The following SLX4IP variants were observed in gnomAD, a reference collection of about 807,000 sequenced individuals.
SLX4IP encodes protein SLX4IP.
A neutral mutation model predicts 32.9 loss-of-function variants in SLX4IP; 34 were observed. The observed-to-expected ratio is 1.03, with a 90% CI of 0.79 to 1.38. The LOEUF (loss-of-function observed/expected upper bound fraction) is 1.38. Among genes scored for constraint, SLX4IP ranks in the 40% most tolerant of loss-of-function variants. The pLI, the probability that SLX4IP is intolerant of heterozygous loss-of-function variation, is 0.00. For missense variants in SLX4IP, 444 were observed against 479.0 expected (o/e 0.93, Z 0.68); for synonymous variants, 172 against 171.7 (o/e 1.00, Z -0.01).
intron 2 of SLX4IP, among the ~76,000 whole-genome samples, chr20:10,545,039 T>A (rs529217020): frequency 6.6e-5 from 10 of 152,228 alleles, no homozygotes; most frequent in African/African-American, 2.4e-4. Flanking sequence ...ATTGAGTAGG[T>A]CTGAGTAGGA....
intron 2 of SLX4IP, among the ~76,000 whole-genome samples, chr20:10,545,348 C>A (rs770133880): frequency 1.3e-5 from 2 of 152,068 alleles, no homozygotes; most frequent in Non-Finnish European, 2.9e-5. Context: ...AGTTTGCAGC[C>A]ACATACTTCA....
chr20:10,513,610 G>A (rs1045338531), intron 2 of SLX4IP, among the ~76,000 whole-genome samples: 1 of 152,232 alleles, frequency 6.6e-6, no homozygotes, highest in Non-Finnish European at 1.5e-5. Flanking sequence ...TGCCAGGTGG[G>A]CAAGGGCATC....
rs57951964 is a variant in SLX4IP, at chr20:10,560,544, G to C, written c.118-156G>C. On this transcript the variant is annotated intron_variant, in intron 3 of 7. Transcript: ENST00000334534. ...ACTTCAGTAGCAAATTTAAATTTGCGGTGTTATTCATGAGCACATATGACA... is the reference window on the plus strand; with the variant it reads ...ACTTCAGTAGCAAATTTAAATTTGCCGTGTTATTCATGAGCACATATGACA... 2.0e-5 allele frequency among the ~76,000 whole-genome samples: 3 copies of C among 152,180 alleles called. No individual in the cohort carries two copies. In the East Asian group the frequency reaches 5.8e-4, roughly 29 times the overall value.
At chr20:10,557,841 T>C (rs528367727) in intron 3 of SLX4IP, among the ~76,000 whole-genome samples, 6 of 152,326 alleles carry the variant, frequency 3.9e-5, no homozygotes, top group African/African-American at 1.4e-4. Context: ...TTTGTTTTTT[T>C]AGGAGCCACA....
chr20:10,554,623 T>G (rs920037769), intron 2 of SLX4IP, among the ~76,000 whole-genome samples: 7 of 152,184 alleles, frequency 4.6e-5, no homozygotes, highest in African/African-American at 1.7e-4. Context: ...TCTTTTTAAC[T>G]GTAGTCATTC....
intron 6 of SLX4IP, among the ~76,000 whole-genome samples, chr20:10,617,945 A>G (rs527908749): frequency 1.6e-4 from 24 of 152,238 alleles, no homozygotes; most frequent in African/African-American, 5.8e-4. Context: ...CTGGCCCAGT[A>G]TTTCTAACTG....
chr20:10,499,407 C>T (rs1051817298), intron 2 of SLX4IP, among the ~76,000 whole-genome samples: 20 of 152,154 alleles, frequency 1.3e-4, no homozygotes, highest in African/African-American at 4.8e-4. Context: ...TGTAATATAC[C>T]TTGTTTTATT....
intron 2 of SLX4IP, among the ~76,000 whole-genome samples, chr20:10,477,013 T>A (rs765990182): frequency 1.3e-5 from 2 of 152,234 alleles, no homozygotes; most frequent in Non-Finnish European, 2.9e-5. Flanking sequence ...CAGTCTTCAG[T>A]TTAAATTCTA....
At chr20:10,472,024 C>G (rs193050764) in intron 2 of SLX4IP, among the ~76,000 whole-genome samples, 3 of 152,248 alleles carry the variant, frequency 2.0e-5, no homozygotes, top group Admixed American at 2.0e-4. Flanking sequence ...GGCAGCAAAT[C>G]ACAAGGTCAA....
chr20:10,504,918 T>C (rs900388955), intron 2 of SLX4IP, among the ~76,000 whole-genome samples: 1 of 151,996 alleles, frequency 6.6e-6, no homozygotes, highest in Admixed American at 6.6e-5. Context: ...CGGAAGACTC[T>C]GTAAAAGAAA....
intron 1 of SLX4IP, among the ~76,000 whole-genome samples, chr20:10,445,432 C>T (rs1220466527): frequency 6.7e-6 from 1 of 149,738 alleles, no homozygotes; most frequent in Non-Finnish European, 1.5e-5. Flanking sequence ...TCTCCTGCCT[C>T]AGCCTCCCTA....
intron 2 of SLX4IP, among the ~76,000 whole-genome samples, chr20:10,461,988 G>A (rs1037738664): frequency 3.9e-4 from 60 of 151,920 alleles, no homozygotes; most frequent in African/African-American, 1.4e-3. Flanking sequence ...GTCTCAGAGC[G>A]AAAAAGGAAG....
intron 2 of SLX4IP, among the ~76,000 whole-genome samples, chr20:10,468,441 A>G (rs2065398387): frequency 6.6e-6 from 1 of 152,252 alleles, no homozygotes; most frequent in East Asian, 1.9e-4. Context: ...AATGGATCTA[A>G]TCTGAACTCT....
chr20:10,514,501 G>T (rs1468420114), intron 2 of SLX4IP, among the ~76,000 whole-genome samples: 2 of 152,206 alleles, frequency 1.3e-5, no homozygotes, highest in Admixed American at 6.5e-5. Flanking sequence ...ATTCTGGTCA[G>T]ATTATGCTGA....
chr20:10,581,568 A>G (rs1371353897), intron 4 of SLX4IP, among the ~76,000 whole-genome samples: 2 of 152,166 alleles, frequency 1.3e-5, no homozygotes, highest in African/African-American at 4.8e-5. Context: ...TAAAGTATCA[A>G]GTATTTGCAA....
intron 4 of SLX4IP, among the ~76,000 whole-genome samples, chr20:10,587,768 A>C (rs1482046304): frequency 6.6e-6 from 1 of 152,174 alleles, no homozygotes; most frequent in Non-Finnish European, 1.5e-5. Context: ...CTCTTCAATA[A>C]ATGGTTCTGG....
intron 2 of SLX4IP, among the ~76,000 whole-genome samples, chr20:10,521,534 G>C (rs2065901069): frequency 6.6e-6 from 1 of 152,090 alleles, no homozygotes; most frequent in Non-Finnish European, 1.5e-5. Flanking sequence ...ATATCCTTGA[G>C]CTAATTAGTA....
intron 2 of SLX4IP, 122 bp downstream of exon 2, chr20:10,458,353 ATT>A: frequency 1.1e-5 from 9 of 825,504 alleles, no homozygotes; most frequent in South Asian, 2.3e-5. Context: ...ACTCTGCAAA[ATT>A]TTTTTTTTTC....
intron 1 of SLX4IP, among the ~76,000 whole-genome samples, chr20:10,452,078 A>G (rs1019439845): frequency 5.3e-5 from 8 of 152,216 alleles, no homozygotes; most frequent in Non-Finnish European, 1.0e-4. Flanking sequence ...TGTGGCTTGC[A>G]TTATATTTCT....
Sources: gnomAD v4.1 joint callset for allele counts (sites outside exome capture counted in the v4.1 genomes callset) on GRCh38, gnomAD v4.1.1 for gene constraint, MANE v1.5 for transcripts, NCBI Gene and HGNC (gene_info 2026-07-23, HGNC 2026-07-21) for gene names.